Variants in ITGBL1 observed in about 807,000 individuals in gnomAD.
ITGBL1 encodes integrin beta-like protein 1.
In ITGBL1, 51 loss-of-function variants were observed where a neutral mutation model predicts 68.5. The observed-to-expected ratio is 0.74, with a 90% CI of 0.59 to 0.94. The LOEUF (loss-of-function observed/expected upper bound fraction) is 0.94, where lower values mean the gene tolerates loss of function less well. ITGBL1 is among the 40% of genes least tolerant of loss of function. The pLI is 0.00. For synonymous variants in ITGBL1, 209 were observed against 227.3 expected (o/e 0.92, Z 0.72); for missense variants, 649 against 647.4 (o/e 1.00, Z -0.03).
At chr13:101,480,854 T>A (rs2048608627) in intron 2 of ITGBL1, among the ~76,000 whole-genome samples, 1 of 152,022 alleles carries the variant, frequency 6.6e-6, no homozygotes, top group Non-Finnish European at 1.5e-5. Context: ...AAGAATTGCA[T>A]TGTAGTCAAA....
intron 7 of ITGBL1, among the ~76,000 whole-genome samples, chr13:101,666,085 G>C (rs1255698355): frequency 2.0e-5 from 3 of 152,084 alleles, no homozygotes; most frequent in African/African-American, 7.2e-5. Flanking sequence ...ATTCCATGCT[G>C]TACTGCCCAC....
intron 2 of ITGBL1, chr13:101,490,061 C>A (rs142034766): frequency 2.0e-6 from 2 of 1,018,488 alleles, no homozygotes; most frequent in Non-Finnish European, 2.9e-6. Flanking sequence ...TATTTGTTTA[C>A]CCCCAAAATT....
chr13:101,486,641 A>G (rs1566697105), intron 2 of ITGBL1, among the ~76,000 whole-genome samples: 1 of 152,234 alleles, frequency 6.6e-6, no homozygotes, highest in East Asian at 1.9e-4. Context: ...GCAAATCCAC[A>G]ATGTAAGTTT....
chr13:101,636,524 T>G (rs1381680201), intron 7 of ITGBL1, among the ~76,000 whole-genome samples: 6 of 152,196 alleles, frequency 3.9e-5, no homozygotes, highest in Non-Finnish European at 8.8e-5. Context: ...CTTGTTAATA[T>G]GTTACTTATA....
chr13:101,599,663 A>G (rs1282490643), intron 7 of ITGBL1, among the ~76,000 whole-genome samples: 1 of 152,098 alleles, frequency 6.6e-6, no homozygotes, highest in Non-Finnish European at 1.5e-5. Flanking sequence ...ATGGCTAGCC[A>G]GTTTTCCCAG....
At chr13:101,692,931 A>G (rs2033916010) in intron 8 of ITGBL1, 1 of 406,180 alleles carries the variant, frequency 2.5e-6, no homozygotes, top group Non-Finnish European at 4.4e-6. Context: ...TCAATAAAAG[A>G]TCATTGAATC....
chr13:101,544,728 T>C (rs1055623567), intron 2 of ITGBL1, among the ~76,000 whole-genome samples: 1 of 152,086 alleles, frequency 6.6e-6, no homozygotes, highest in Non-Finnish European at 1.5e-5. Flanking sequence ...GGCCGCTTTG[T>C]TTACCTTCTC....
At chr13:101,475,873 TAAAG>T (rs1012004783) in intron 2 of ITGBL1, among the ~76,000 whole-genome samples, 14 of 152,006 alleles carry the variant, frequency 9.2e-5, no homozygotes, top group African/African-American at 3.1e-4. Flanking sequence ...CCTTCAAACA[TAAAG>T]AAGCAACAAA....
intron 1 of ITGBL1, 21 bp from the exon 2 acceptor site, chr13:101,453,862 G>T: frequency 1.6e-6 from 2 of 1,233,664 alleles, no homozygotes; most frequent in South Asian, 7.9e-5. Context: ...CCGGCCTGCC[G>T]GTTGCTTGTC....
At chr13:101,656,125 G>A in intron 7 of ITGBL1, among the ~76,000 whole-genome samples, 1 of 152,158 alleles carries the variant, frequency 6.6e-6, no homozygotes, top group East Asian at 1.9e-4. Flanking sequence ...GAGTTTGTCT[G>A]AAGACCTGGG....
chr13:101,490,726 C>G (rs952517177), intron 2 of ITGBL1, among the ~76,000 whole-genome samples: 5 of 152,180 alleles, frequency 3.3e-5, no homozygotes, highest in African/African-American at 1.2e-4. Context: ...TATGCCAAAC[C>G]TAACACATGT....
chr13:101,453,715 GC>G (rs1245632575), intron 1 of ITGBL1, among the ~76,000 whole-genome samples, 167 bp from the exon 2 acceptor site: 1 of 152,172 alleles, frequency 6.6e-6, no homozygotes, highest in East Asian at 1.9e-4. Context: ...GGAAAATACA[GC>G]CCTTCCAGGC....
In ITGBL1 at chr13:101,714,539, C is replaced by T. The variant is rs1360622777; in HGVS notation, c.1381C>T (p.Leu461Phe). 5 of 1,589,628 alleles carry T rather than the reference C, an allele frequency of 3.1e-6. No individual in the cohort carries two copies. The highest frequency in any genetic ancestry group is 4.3e-6 in the Non-Finnish European group (5 of 1,157,924). ...CAGAGACTGCGACAAACATGATGGT[C>T]TCATTTGTACAGGTGCAGTATTAAC... ...DDRDCDKHDG[L>F]ICTGNGICSC... The change falls in exon 10 of 11, where the codon CTC (leucine) becomes TTC (phenylalanine). Residue 461 changes from leucine (L) to phenylalanine (F), a missense_variant. Physicochemically the swap from Leu to Phe is conservative, Grantham distance 22 (BLOSUM62 0). Transcript: ENST00000376180.
chr13:101,656,007 G>A (rs1374645480), intron 7 of ITGBL1, among the ~76,000 whole-genome samples: 1 of 151,958 alleles, frequency 6.6e-6, no homozygotes, highest in African/African-American at 2.4e-5. Context: ...ATACATTTAA[G>A]AAATACATTG....
intron 6 of ITGBL1, among the ~76,000 whole-genome samples, chr13:101,587,137 T>C (rs1300966889): frequency 6.6e-6 from 1 of 152,206 alleles, no homozygotes; most frequent in African/African-American, 2.4e-5. Flanking sequence ...GCTCTTTTAA[T>C]TGACATTCTC....
chr13:101,606,931 A>G (rs2139357580), intron 7 of ITGBL1, among the ~76,000 whole-genome samples: 1 of 152,160 alleles, frequency 6.6e-6, no homozygotes, highest in Non-Finnish European at 1.5e-5. Context: ...AAACAAACAC[A>G]GCAAAAATCA....
At chr13:101,603,092 T>C (rs1313332418) in intron 7 of ITGBL1, among the ~76,000 whole-genome samples, 1 of 152,014 alleles carries the variant, frequency 6.6e-6, no homozygotes, top group Admixed American at 6.6e-5. Flanking sequence ...GGGGTCTGTA[T>C]CTGTGAGTGG....
At chr13:101,676,442 G>A (rs540746668) in intron 7 of ITGBL1, among the ~76,000 whole-genome samples, 64 of 152,258 alleles carry the variant, frequency 4.2e-4, no homozygotes, top group African/African-American at 1.5e-3. Flanking sequence ...CCTTCTTGAA[G>A]GTTGCTGTGT....
chr13:101,505,369 A>G (rs1192600461), intron 2 of ITGBL1, among the ~76,000 whole-genome samples: 1 of 152,168 alleles, frequency 6.6e-6, no homozygotes, highest in Non-Finnish European at 1.5e-5. Context: ...GTTCTTGAAG[A>G]ACTCATAATC....
Sources: allele counts gnomAD v4.1 joint callset (sites outside exome capture counted in the v4.1 genomes callset), GRCh38; gene constraint gnomAD v4.1.1; transcripts MANE v1.5; gene names NCBI Gene and HGNC (gene_info 2026-07-23, HGNC 2026-07-21).